GRID1: variants seen among roughly 807,000 people sequenced by gnomAD.
The protein encoded by GRID1 is glutamate receptor ionotropic, delta-1.
GRID1 carries 28 observed loss-of-function variants against 98.0 expected under a neutral mutation model. The observed-to-expected ratio is 0.29, with a 90% CI of 0.21 to 0.39. The LOEUF is 0.39. Among genes scored for constraint, GRID1 ranks in the 10% least tolerant of loss-of-function variants. GRID1 has a pLI of 1.00. For missense variants in GRID1, 1,111 were observed against 1,340.5 expected (o/e 0.83, Z 2.67); for synonymous variants, 553 against 538.5 (o/e 1.03, Z -0.37).
intron 5 of GRID1, among the ~76,000 whole-genome samples, chr10:85,908,181 C>T (rs890277117): frequency 2.5e-4 from 38 of 152,046 alleles, no homozygotes; most frequent in Middle Eastern, 3.2e-3. Context: ...CTAATCAGTG[C>T]AATCAGGCAG....
chr10:86,007,822 T>TTTTATTTA lies in GRID1; in HGVS notation c.727-91591_727-91584dup, dbSNP rs56067622. ...TTTGTTTTTTTTGTTTTTTGTGTTTTTTTATTTATTTATTTATTTATTTAT... is the reference window on the plus strand; with the variant it reads ...TTTGTTTTTTTTGTTTTTTGTGTTTTTTTATTTATTTATTTATTTATTTATTTATTTAT... On this transcript the variant is annotated intron_variant, in intron 4 of 15. Coordinates refer to ENST00000327946, the MANE Select transcript of GRID1 (RefSeq NM_017551.3). 6.5e-3 allele frequency among the ~76,000 whole-genome samples: 966 copies of TTTTATTTA among 148,820 alleles called. 4 individuals carry two copies. The highest frequency in any genetic ancestry group is 9.4e-3 in the South Asian group (44 of 4,694).
intron 3 of GRID1, among the ~76,000 whole-genome samples, chr10:86,155,967 C>CA (rs1845239317): frequency 6.6e-6 from 1 of 152,160 alleles, no homozygotes; most frequent in African/African-American, 2.4e-5. Context: ...ACAAAGCCCC[C>CA]AGACATCCAA....
rs139459810 is a variant in GRID1, at chr10:85,853,761, G to A, written c.1233+735C>T. On this transcript the variant is annotated intron_variant, in intron 8 of 15. Coordinates refer to ENST00000327946, the MANE Select transcript of GRID1 (RefSeq NM_017551.3). The stretch of plus-strand genomic sequence containing the variant: ...GTTCTAAGCCCTTACTTGCCATGTC[G>A]GCCTCTTTGTCCTAGCCCTGTTAGA... 3.7e-3 allele frequency among the ~76,000 whole-genome samples: 567 copies of A among 152,168 alleles called. 3 individuals carry two copies. The highest frequency in any genetic ancestry group is 6.0e-3 in the Non-Finnish European group (407 of 68,008).
intron 5 of GRID1, among the ~76,000 whole-genome samples, chr10:85,904,291 T>C (rs965416175): frequency 3.9e-5 from 6 of 152,166 alleles, no homozygotes; most frequent in Non-Finnish European, 8.8e-5. Flanking sequence ...CAATGAAGAA[T>C]AGCGATCCTT....
chr10:86,031,745 A>T (rs574464593), intron 4 of GRID1, among the ~76,000 whole-genome samples: 59 of 151,084 alleles, frequency 3.9e-4, no homozygotes, highest in Non-Finnish European at 6.9e-4. Context: ...TCTGCTCAAA[A>T]CTCTCTAACA....
intron 4 of GRID1, among the ~76,000 whole-genome samples, chr10:85,982,243 A>C (rs911673494): frequency 2.0e-5 from 3 of 152,064 alleles, no homozygotes; most frequent in African/African-American, 7.2e-5. Context: ...GAATGTGTTA[A>C]TTTACTTGGC....
chr10:85,894,609 T>C (rs997519743), intron 5 of GRID1, among the ~76,000 whole-genome samples: 6 of 152,200 alleles, frequency 3.9e-5, no homozygotes, highest in Non-Finnish European at 1.5e-5. Context: ...TATCAGATTG[T>C]GCAGGTTTTT....
At chr10:85,956,017 A>C (rs903510226) in intron 4 of GRID1, among the ~76,000 whole-genome samples, 1 of 152,108 alleles carries the variant, frequency 6.6e-6, no homozygotes, top group Non-Finnish European at 1.5e-5. Flanking sequence ...TCCCTGGCAA[A>C]ATTGATTCGA....
chr10:86,171,586 C>T (rs1043049274), intron 3 of GRID1, among the ~76,000 whole-genome samples: 1 of 152,146 alleles, frequency 6.6e-6, no homozygotes, highest in Non-Finnish European at 1.5e-5. Context: ...GGAGGTTCTG[C>T]AGAGGCAGGT....
chr10:85,803,532 A>G (rs568481727), intron 8 of GRID1, among the ~76,000 whole-genome samples: 1 of 152,194 alleles, frequency 6.6e-6, no homozygotes, highest in South Asian at 2.1e-4. Flanking sequence ...TAAAACAACT[A>G]AAATCAAGCA....
At chr10:85,700,549 TA>T (rs1361889626) in intron 12 of GRID1, among the ~76,000 whole-genome samples, 1 of 152,214 alleles carries the variant, frequency 6.6e-6, no homozygotes, top group African/African-American at 2.4e-5. Context: ...CTAAAGGCAC[TA>T]TTAAAAGGTG....
chr10:85,820,022 G>GC (rs1233647637), intron 8 of GRID1, among the ~76,000 whole-genome samples: 10 of 116,432 alleles, frequency 8.6e-5, no homozygotes, highest in African/African-American at 3.2e-4. Flanking sequence ...AGGAAGGAAG[G>GC]AAGGAAGGCA....
chr10:86,236,276 T>C (rs1277875990), intron 2 of GRID1, among the ~76,000 whole-genome samples: 2 of 152,260 alleles, frequency 1.3e-5, no homozygotes, highest in East Asian at 1.9e-4. Context: ...TTATATGTTC[T>C]GGACAGAAAT....
At chr10:86,002,858 C>G (rs1344100231) in intron 4 of GRID1, among the ~76,000 whole-genome samples, 1 of 152,158 alleles carries the variant, frequency 6.6e-6, no homozygotes, top group East Asian at 1.9e-4. Flanking sequence ...ATGTCCACAC[C>G]TCATGTATTG....
At chr10:85,933,663 C>G (rs1268682380) in intron 4 of GRID1, among the ~76,000 whole-genome samples, 1 of 152,128 alleles carries the variant, frequency 6.6e-6, no homozygotes, top group Non-Finnish European at 1.5e-5. Context: ...CTTGATCAAG[C>G]CCACAAGTCC....
At chr10:86,042,390 C>G (rs1411214553) in intron 4 of GRID1, among the ~76,000 whole-genome samples, 2 of 152,140 alleles carry the variant, frequency 1.3e-5, no homozygotes, top group Non-Finnish European at 2.9e-5. Context: ...TCTGGGTGCA[C>G]AGTGTGGGCC....
chr10:85,728,173 C>G (rs12221324), intron 9 of GRID1, 121 bp from the exon 10 acceptor site: 26,076 of 757,700 alleles, frequency 0.034, 1,000 homozygotes, highest in African/African-American at 0.15. Flanking sequence ...TTTAGGACTT[C>G]AGGCTCAACT....
At chr10:85,643,528 G>T (rs960323390) in intron 13 of GRID1, among the ~76,000 whole-genome samples, 4 of 152,140 alleles carry the variant, frequency 2.6e-5, no homozygotes, top group African/African-American at 2.4e-5. Context: ...TAGGGAAGAA[G>T]ACAGATTTCA....
chr10:86,188,886 G>C (rs151041141), intron 3 of GRID1, among the ~76,000 whole-genome samples: 216 of 152,278 alleles, frequency 1.4e-3, no homozygotes, highest in Non-Finnish European at 2.3e-3. Flanking sequence ...AGCATAAGTT[G>C]AGCCCAGTTC....
Sources: gnomAD v4.1 joint callset for allele counts (sites outside exome capture counted in the v4.1 genomes callset) on GRCh38, gnomAD v4.1.1 for gene constraint, MANE v1.5 for transcripts, NCBI Gene and HGNC (gene_info 2026-07-23, HGNC 2026-07-21) for gene names.